FBN2: variants seen among roughly 807,000 people sequenced by gnomAD.
FBN2 encodes the protein fibrillin 2, also known as fibrillin-2.
FBN2 carries 105 observed loss-of-function variants against 355.6 expected under a neutral mutation model. That is an observed-to-expected ratio of 0.30 (90% CI 0.25 to 0.35). The LOEUF is 0.35. Among genes scored for constraint, FBN2 ranks in the 10% least tolerant of loss-of-function variants. The probability of loss-of-function intolerance (pLI) is 1.00; values close to 1 mark genes in which losing one functional copy is unlikely to be tolerated. For synonymous variants in FBN2, 1,350 were observed against 1,301.2 expected (o/e 1.04, Z -0.81); for missense variants, 3,280 against 3,758.7 (o/e 0.87, Z 3.33).
intron 25 of FBN2, among the ~76,000 whole-genome samples, chr5:128,340,100 G>A (rs1750959488): frequency 6.6e-6 from 1 of 152,100 alleles, no homozygotes; most frequent in South Asian, 2.1e-4. Flanking sequence ...ATTTTTAATA[G>A]AGAAGTCATG....
chr5:128,277,778 C>T, intron 58 of FBN2, 102 bp downstream of exon 58: 5 of 1,277,684 alleles, frequency 3.9e-6, no homozygotes, highest in Non-Finnish European at 5.7e-6. Flanking sequence ...ATATATATTC[C>T]AAAGCTCCAT....
intron 61 of FBN2, among the ~76,000 whole-genome samples, chr5:128,272,348 A>C (rs1045818902): frequency 6.6e-5 from 10 of 151,818 alleles, no homozygotes; most frequent in African/African-American, 2.4e-4. Flanking sequence ...CCACCAGACC[A>C]CGGCATGTCA....
intron 55 of FBN2, among the ~76,000 whole-genome samples, chr5:128,285,785 TA>T (rs1749131288): frequency 6.6e-6 from 1 of 152,190 alleles, no homozygotes; most frequent in African/African-American, 2.4e-5. Flanking sequence ...AACATATCTT[TA>T]AATGTAATAA....
At chr5:128,458,948 C>G (rs1226059266) in intron 6 of FBN2, among the ~76,000 whole-genome samples, 1 of 150,882 alleles carries the variant, frequency 6.6e-6, no homozygotes, top group Non-Finnish European at 1.5e-5. Context: ...TACCTAAGAT[C>G]AGAGAAGAAT....
At chr5:128,366,891 T>G (rs940094770) in intron 16 of FBN2, among the ~76,000 whole-genome samples, 11 of 152,158 alleles carry the variant, frequency 7.2e-5, no homozygotes, top group African/African-American at 2.7e-4. Flanking sequence ...TTTTTACAAC[T>G]GAGGAAAAGG....
At chr5:128,386,169 T>C (rs1752361005) in intron 11 of FBN2, among the ~76,000 whole-genome samples, 1 of 152,168 alleles carries the variant, frequency 6.6e-6, no homozygotes, top group Admixed American at 6.5e-5. Flanking sequence ...TATATTTAAG[T>C]CTTTAATCAA....
In FBN2 at chr5:128,376,894, G is replaced by A. The variant is rs1340042948; in HGVS notation, c.1850-41C>T. On this transcript the variant is annotated intron_variant, in intron 13 of 64. Transcript: ENST00000262464. ...GAGTGACTTTGAACACTGGCCTTGA[G>A]GGAACCAATTCCTTCTTCTTCCATA... is the stretch of plus-strand genomic sequence containing the variant. 2.5e-6 allele frequency: 4 copies of A among 1,609,926 alleles called. No homozygotes were observed. In the Middle Eastern group the frequency reaches 5.0e-4, roughly 200 times the overall value.
At chr5:128,402,380 T>C (rs1031182212) in intron 8 of FBN2, among the ~76,000 whole-genome samples, 2 of 152,142 alleles carry the variant, frequency 1.3e-5, no homozygotes, top group Non-Finnish European at 2.9e-5. Context: ...TCGCCCTTAC[T>C]ACATTTCCTG....
At chr5:128,486,849 G>A (rs752331684) in intron 5 of FBN2, among the ~76,000 whole-genome samples, 1 of 151,960 alleles carries the variant, frequency 6.6e-6, no homozygotes, top group African/African-American at 2.4e-5. Flanking sequence ...TCCCACCTAT[G>A]AGAGAGAACT....
At chr5:128,449,615 C>A (rs1754182550) in intron 6 of FBN2, among the ~76,000 whole-genome samples, 1 of 150,886 alleles carries the variant, frequency 6.6e-6, no homozygotes, top group Admixed American at 6.6e-5. Context: ...CACTATTAAT[C>A]TAAGAGTCAG....
At chr5:128,484,460 C>A (rs1429499509) in intron 5 of FBN2, among the ~76,000 whole-genome samples, 1 of 152,048 alleles carries the variant, frequency 6.6e-6, no homozygotes, top group Non-Finnish European at 1.5e-5. Context: ...AGGAAGCATG[C>A]AAATCAACAA....
At chr5:128,312,033 C>T in intron 37 of FBN2, 80 bp from the exon 38 acceptor site, 1 of 955,616 alleles carries the variant, frequency 1.0e-6, no homozygotes, top group East Asian at 2.5e-5. Flanking sequence ...CAGCAAATGA[C>T]AGGCTCAATA....
intron 48 of FBN2, among the ~76,000 whole-genome samples, chr5:128,295,525 G>A (rs1749480688): frequency 6.8e-6 from 1 of 146,554 alleles, no homozygotes; most frequent in African/African-American, 2.6e-5. Flanking sequence ...GTAGTGGTTT[G>A]TAGTTCTCCT....
At chr5:128,441,311 C>T (rs532062756) in intron 7 of FBN2, among the ~76,000 whole-genome samples, 2 of 152,296 alleles carry the variant, frequency 1.3e-5, no homozygotes, top group African/African-American at 2.4e-5. Flanking sequence ...CCATGAGTTT[C>T]CCCGTCAGTG....
intron 11 of FBN2, among the ~76,000 whole-genome samples, chr5:128,391,734 T>G (rs1436311743): frequency 6.6e-6 from 1 of 152,142 alleles, no homozygotes; most frequent in African/African-American, 2.4e-5. Flanking sequence ...TTCCTTTTTA[T>G]TTTTAGTTTA....
intron 36 of FBN2, among the ~76,000 whole-genome samples, chr5:128,315,755 G>T (rs531568671): frequency 1.3e-5 from 2 of 152,248 alleles, no homozygotes; most frequent in Admixed American, 6.5e-5. Context: ...ACAAACCTGG[G>T]ATGGTTCAGG....
chr5:128,528,138 A>C (rs1056392289), intron 3 of FBN2, among the ~76,000 whole-genome samples, 171 bp from the exon 4 acceptor site: 2 of 152,204 alleles, frequency 1.3e-5, no homozygotes, highest in Middle Eastern at 3.2e-3. Context: ...TTATAAGTGC[A>C]CACATGGGCA....
At chr5:128,385,883 GA>G (rs1348963672) in intron 11 of FBN2, among the ~76,000 whole-genome samples, 1 of 151,812 alleles carries the variant, frequency 6.6e-6, no homozygotes, top group African/African-American at 2.4e-5. Flanking sequence ...TATTTAATGA[GA>G]TTTTTTTTTT....
At chr5:128,395,321 G>T (rs1433393380) in intron 8 of FBN2, 47 bp from the exon 9 acceptor site, 1 of 1,604,252 alleles carries the variant, frequency 6.2e-7, no homozygotes. Context: ...ATTACCTCAG[G>T]TTCTTACAAC....
Sources: gnomAD v4.1 joint callset for allele counts (sites outside exome capture counted in the v4.1 genomes callset) on GRCh38, gnomAD v4.1.1 for gene constraint, MANE v1.5 for transcripts, NCBI Gene and HGNC (gene_info 2026-07-23, HGNC 2026-07-21) for gene names.